The following TMOD2 variants were observed in gnomAD, a reference collection of about 807,000 sequenced individuals.
TMOD2 encodes tropomodulin-2.
Under a neutral mutation model 39.9 loss-of-function variants are expected in TMOD2, and 22 were observed. That is an observed-to-expected ratio of 0.55 (90% CI 0.39 to 0.79). The LOEUF (loss-of-function observed/expected upper bound fraction) is 0.79. Among genes scored for constraint, TMOD2 ranks in the 30% least tolerant of loss-of-function variants. The pLI, the probability that TMOD2 is intolerant of heterozygous loss-of-function variation, is 0.00. For missense variants in TMOD2, 386 were observed against 413.3 expected (o/e 0.93, Z 0.57); for synonymous variants, 123 against 146.1 (o/e 0.84, Z 1.14).
rs1473806806 is a variant in TMOD2 at position 51,811,032 on chromosome 15, A to G, written c.*2578A>G. On this transcript the variant is annotated 3_prime_UTR_variant, in exon 10 of 10. Coordinates refer to ENST00000249700, the MANE Select transcript of TMOD2 (RefSeq NM_014548.4). ...AGTTGGGTTGCATGCAACAGAGTCT[A>G]TGAAATCAAATGTTTTTTACTAATC... 1.3e-5 allele frequency: 2 copies of G among 152,254 alleles called. No homozygotes were observed. Among genetic ancestry groups the G allele is most frequent in the African/African-American group, 2.4e-5 (1 of 41,466 alleles). The allele number at this position is 152,254 out of a possible 1,614,324, so 9.4% of individuals were successfully genotyped here.
rs2056174857 is a variant in TMOD2, at chr15:51,814,197, C to G, written c.*5743C>G. On this transcript the variant is annotated 3_prime_UTR_variant, in exon 10 of 10. Transcript: ENST00000249700. ...GTCTGGAGCGCTACTGCCCTCCTGTCATTGCTGTGGGTGGGAGAGGCTAAG... is the reference window on the plus strand; with the variant it reads ...GTCTGGAGCGCTACTGCCCTCCTGTGATTGCTGTGGGTGGGAGAGGCTAAG... 1 of 152,274 alleles carries G rather than the reference C, an allele frequency of 6.6e-6. No individual in the cohort carries two copies. Among genetic ancestry groups the G allele is most frequent in the South Asian group, 2.1e-4 (1 of 4,822 alleles). The allele number at this position is 152,274 out of a possible 1,614,324, so 9.4% of individuals were successfully genotyped here. A position where few individuals can be genotyped will look rare whatever the true frequency, so the allele number is the denominator to read the frequency against.
intron 5 of TMOD2, among the ~76,000 whole-genome samples, chr15:51,778,422 C>G (rs2055904808): frequency 6.8e-6 from 1 of 148,110 alleles, no homozygotes; most frequent in Non-Finnish European, 1.5e-5. Context: ...ACCAGCATGA[C>G]ACATGTATAC....
chr15:51,756,168 C>T (rs1185176761), intron 1 of TMOD2: 1 of 152,250 alleles, frequency 6.6e-6, no homozygotes, highest in Non-Finnish European at 1.5e-5. Context: ...GCTGGGCAGA[C>T]AGCAAGACTT....
chr15:51,779,467 G>A (rs930329936), intron 5 of TMOD2, among the ~76,000 whole-genome samples: 1 of 150,410 alleles, frequency 6.6e-6, no homozygotes, highest in Non-Finnish European at 1.5e-5. Flanking sequence ...TGCAAGCTCT[G>A]CCTCCCGGGT....
chr15:51,793,061 A>G (rs747450802), intron 7 of TMOD2, among the ~76,000 whole-genome samples: 1 of 152,202 alleles, frequency 6.6e-6, no homozygotes, highest in Admixed American at 6.5e-5. Flanking sequence ...CCCATGTATA[A>G]ATTTAAATTA....
intron 4 of TMOD2, among the ~76,000 whole-genome samples, chr15:51,774,633 G>A (rs983303277): frequency 5.3e-5 from 8 of 152,146 alleles, no homozygotes; most frequent in African/African-American, 1.9e-4. Flanking sequence ...TTCCTTCTGT[G>A]ATGATGTCAG....
At chr15:51,771,141 G>A (rs1440041947) in intron 3 of TMOD2, among the ~76,000 whole-genome samples, 1 of 152,188 alleles carries the variant, frequency 6.6e-6, no homozygotes, top group East Asian at 1.9e-4. Context: ...TATAAAAGGG[G>A]TATACAGTTG....
At chr15:51,773,947 A>T (rs1328414674) in intron 4 of TMOD2, 113 bp downstream of exon 4, 1 of 1,215,272 alleles carries the variant, frequency 8.2e-7, no homozygotes, top group African/African-American at 1.5e-5. Context: ...TGACAGGTTG[A>T]CACAAGGCAT....
intron 5 of TMOD2, among the ~76,000 whole-genome samples, chr15:51,778,387 A>G (rs1231764005): frequency 6.7e-6 from 1 of 150,160 alleles, no homozygotes; most frequent in East Asian, 2.0e-4. Flanking sequence ...CCTAATGCTA[A>G]ATGACGAGTT....
chr15:51,766,821 G>C, intron 2 of TMOD2: 1 of 285,538 alleles, frequency 3.5e-6, no homozygotes, highest in Non-Finnish European at 6.6e-6. Flanking sequence ...GGTTGAGAAA[G>C]GACTAGTCTT....
intron 7 of TMOD2, among the ~76,000 whole-genome samples, chr15:51,790,179 C>G (rs1222441110): frequency 1.3e-5 from 2 of 152,086 alleles, no homozygotes; most frequent in Admixed American, 6.5e-5. Context: ...GGGATATCAC[C>G]ACTGATCCCA....
chr15:51,755,135 C>A (rs1454713086), intron 1 of TMOD2, among the ~76,000 whole-genome samples: 4 of 152,122 alleles, frequency 2.6e-5, no homozygotes, highest in African/African-American at 9.7e-5. Flanking sequence ...ATACTATGAA[C>A]CATTTTTATT....
At chr15:51,804,412 A>G (rs572319200) in intron 8 of TMOD2, among the ~76,000 whole-genome samples, 24 of 152,354 alleles carry the variant, frequency 1.6e-4, no homozygotes, top group African/African-American at 5.8e-4. Flanking sequence ...GATTGTGTAG[A>G]TACGTGAATG....
chr15:51,791,996 C>T (rs1029125816), intron 7 of TMOD2, among the ~76,000 whole-genome samples: 1 of 152,080 alleles, frequency 6.6e-6, no homozygotes, highest in Non-Finnish European at 1.5e-5. Flanking sequence ...GCAACAAAAG[C>T]CAAAATTGAC....
At position 51,766,447 on chromosome 15, in the gene TMOD2, A is replaced by G; in HGVS notation, c.6A>G (p.Ala2=). 1 of 1,613,930 alleles carries G rather than the reference A, an allele frequency of 6.2e-7. No homozygotes were observed. Among genetic ancestry groups the G allele is most frequent in the Non-Finnish European group, 8.5e-7 (1 of 1,179,942 alleles). ...AGAAAGGCTTATAAGAAGCCATGGC[A>G]CTCCCCTTTCAAAAAGAGCTGGAGA... The part of the protein sequence containing the change: M[A]LPFQKELEKY... The change falls in exon 2 of 10, where the codon GCA becomes GCG. Residue 2 remains alanine (A), a synonymous_variant. Coordinates refer to ENST00000249700, the MANE Select transcript of TMOD2 (RefSeq NM_014548.4).
intron 4 of TMOD2, among the ~76,000 whole-genome samples, chr15:51,775,571 T>A (rs12905344): frequency 2.0e-5 from 1 of 51,166 alleles, no homozygotes; most frequent in African/African-American, 7.0e-5. Context: ...TTCTTTTTCC[T>A]TTTTTTTTTT....
chr15:51,765,397 G>T (rs2055809754), intron 1 of TMOD2, among the ~76,000 whole-genome samples: 1 of 152,190 alleles, frequency 6.6e-6, no homozygotes, highest in African/African-American at 2.4e-5. Flanking sequence ...TGATCTTCTT[G>T]GGGAAAGGTG....
intron 4 of TMOD2, among the ~76,000 whole-genome samples, chr15:51,775,910 T>A (rs752087190): frequency 2.6e-5 from 4 of 152,202 alleles, no homozygotes; most frequent in Non-Finnish European, 4.4e-5. Flanking sequence ...TAACAAGAAT[T>A]TGTAAAGCAT....
Position 51,809,397 on chromosome 15 carries a change from T to A in TMOD2, c.*943T>A, listed in dbSNP as rs2623258. On this transcript the variant is annotated 3_prime_UTR_variant, in exon 10 of 10. Coordinates refer to ENST00000249700, the MANE Select transcript of TMOD2 (RefSeq NM_014548.4). ...TTTGTCTTTAGTGTAACAAGATCAC[T>A]GGATTAAATATAAACATTCAGGTTA... The A allele has an allele frequency of 0.64, 97,962 of 152,482 alleles. 32,069 individuals are homozygous for A. Among genetic ancestry groups the A allele is most frequent in the East Asian group, 1 (5,163 of 5,184 alleles). The allele number at this position is 152,482 out of a possible 1,614,324, so 9.4% of individuals were successfully genotyped here.
Sources: allele counts gnomAD v4.1 joint callset (sites outside exome capture counted in the v4.1 genomes callset), GRCh38; gene constraint gnomAD v4.1.1; transcripts MANE v1.5; gene names NCBI Gene and HGNC (gene_info 2026-07-23, HGNC 2026-07-21).